The following DAB1 variants were observed in gnomAD, a reference collection of about 807,000 sequenced individuals.
DAB1 encodes the protein disabled homolog 1.
Under a neutral mutation model 64.6 loss-of-function variants are expected in DAB1, and 15 were observed. The ratio of observed to expected loss-of-function variants is 0.23; its 90% CI spans 0.16 to 0.36. The LOEUF (loss-of-function observed/expected upper bound fraction) is 0.36. Among genes scored for constraint, DAB1 ranks in the 10% least tolerant of loss-of-function variants. DAB1 has a pLI of 1.00. For synonymous variants in DAB1, 235 were observed against 251.9 expected (o/e 0.93, Z 0.64); for missense variants, 596 against 706.7 (o/e 0.84, Z 1.78).
chr1:57,799,478 G>C (rs928992085), intron 6 of DAB1, among the ~76,000 whole-genome samples: 2 of 151,410 alleles, frequency 1.3e-5, no homozygotes, highest in South Asian at 2.1e-4. Flanking sequence ...AGGTTTGCCA[G>C]AGCCACGGTT....
In DAB1 at chr1:58,475,965, A is replaced by G. The variant is rs186746367; in HGVS notation, n.257+30095T>C. Reference sequence around the variant, plus strand: ...TAGAATAACAGAATCCTTAAGTAGAACATCCACCATTTCTAACCTATGAAA... The same window carrying G: ...TAGAATAACAGAATCCTTAAGTAGAGCATCCACCATTTCTAACCTATGAAA... On this transcript the variant is annotated intron_variant and non_coding_transcript_variant, in intron 3 of 20. Transcript: ENST00000485760. Among the ~76,000 whole-genome samples, 113 of 152,316 alleles carry G rather than the reference A, an allele frequency of 7.4e-4. 1 individual carries two copies. The East Asian group carries it at 0.02, about 27-fold the overall frequency.
chr1:57,489,499 T>C (rs1231249088), intron 7 of DAB1, among the ~76,000 whole-genome samples: 1 of 152,160 alleles, frequency 6.6e-6, no homozygotes, highest in Non-Finnish European at 1.5e-5. Flanking sequence ...TCCCTAACCC[T>C]CCAGGCTGAC....
At chr1:58,507,801 C>T (rs1029385532) in intron 2 of DAB1, among the ~76,000 whole-genome samples, 2 of 151,990 alleles carry the variant, frequency 1.3e-5, no homozygotes, top group African/African-American at 4.8e-5. Flanking sequence ...TAGGTAATCA[C>T]ATTCACAATA....
chr1:57,286,294 T>G (rs1672309844), intron 2 of DAB1, among the ~76,000 whole-genome samples: 1 of 152,198 alleles, frequency 6.6e-6, no homozygotes, highest in African/African-American at 2.4e-5. Flanking sequence ...TGACCCAAAT[T>G]GTCAGGTATT....
chr1:57,350,538 T>C (rs1185557698), intron 1 of DAB1, among the ~76,000 whole-genome samples: 1 of 152,080 alleles, frequency 6.6e-6, no homozygotes, highest in Admixed American at 6.6e-5. Context: ...ATGAGCTCCC[T>C]CTGTATTTAG....
intron 3 of DAB1, among the ~76,000 whole-genome samples, chr1:58,374,895 C>T (rs1336618110): frequency 1.4e-5 from 2 of 138,112 alleles, no homozygotes; most frequent in Admixed American, 7.2e-5. Flanking sequence ...AGGTCCTTCA[C>T]ATCCCTTGTA....
intron 1 of DAB1, among the ~76,000 whole-genome samples, chr1:57,380,997 A>G (rs1681326324): frequency 1.3e-5 from 2 of 152,148 alleles, no homozygotes; most frequent in African/African-American, 4.8e-5. Flanking sequence ...AAATATTGGT[A>G]AGACTTCCAG....
At chr1:57,448,658 T>G (rs1367171541) in intron 7 of DAB1, among the ~76,000 whole-genome samples, 1 of 152,132 alleles carries the variant, frequency 6.6e-6, no homozygotes, top group Non-Finnish European at 1.5e-5. Flanking sequence ...TTTCAAGAAG[T>G]GGAGTAGGTC....
At chr1:57,203,127 CA>C (rs981924316) in intron 2 of DAB1, among the ~76,000 whole-genome samples, 13 of 152,140 alleles carry the variant, frequency 8.5e-5, no homozygotes, top group African/African-American at 3.1e-4. Context: ...CAGAGGAACA[CA>C]AAAAACAGCA....
rs186062489 is a variant in DAB1, at chr1:58,048,213, T to C, written n.387+102298A>G. 475 of 1,260,422 alleles carry C rather than the reference T, an allele frequency of 3.8e-4. 3 individuals are homozygous for C. In the Middle Eastern group the frequency reaches 6.3e-3, roughly 17 times the overall value. 78.1% of individuals were successfully genotyped at this position (1,260,422 alleles called of 1,614,324 possible). The stretch of plus-strand genomic sequence containing the variant: ...CCACTGCCACAGCTACTGCTGCTAC[T>C]GGAACCGCCATAGCCACCTTGGTTT... On this transcript the variant is annotated intron_variant and non_coding_transcript_variant, in intron 5 of 20. Coordinates refer to the DAB1 transcript ENST00000485760.
chr1:57,882,113 G>A (rs1644153306), intron 1 of DAB1, among the ~76,000 whole-genome samples: 1 of 152,148 alleles, frequency 6.6e-6, no homozygotes, highest in South Asian at 2.1e-4. Flanking sequence ...AATAGACAAA[G>A]AATAGGAAGA....
intron 1 of DAB1, among the ~76,000 whole-genome samples, chr1:57,332,594 C>A (rs1676762373): frequency 1.3e-5 from 2 of 152,192 alleles, no homozygotes; most frequent in Admixed American, 1.3e-4. Flanking sequence ...AATCAGTCTT[C>A]CAATGACTCC....
chr1:57,095,823 G>A (rs1337724699), intron 4 of DAB1, among the ~76,000 whole-genome samples: 1 of 152,146 alleles, frequency 6.6e-6, no homozygotes, highest in Non-Finnish European at 1.5e-5. Context: ...TGAGAATTTA[G>A]GACTTGATGT....
chr1:58,134,501 C>T (rs2100702260), intron 5 of DAB1, among the ~76,000 whole-genome samples: 1 of 151,600 alleles, frequency 6.6e-6, no homozygotes. Context: ...AAAACTGAGA[C>T]TGGGTAATTT....
chr1:58,237,173 T>C (rs1347492308), intron 4 of DAB1, among the ~76,000 whole-genome samples: 2 of 152,160 alleles, frequency 1.3e-5, no homozygotes, highest in Non-Finnish European at 2.9e-5. Context: ...AGGGAATCAG[T>C]AGAGTTCCTT....
intron 4 of DAB1, among the ~76,000 whole-genome samples, chr1:57,113,471 A>C (rs909212059): frequency 6.6e-6 from 1 of 152,138 alleles, no homozygotes; most frequent in Non-Finnish European, 1.5e-5. Context: ...CCAGACAATA[A>C]ATTTCTTCTG....
At chr1:57,922,063 C>A (rs1353420444) in intron 5 of DAB1, among the ~76,000 whole-genome samples, 1 of 152,226 alleles carries the variant, frequency 6.6e-6, no homozygotes, top group Non-Finnish European at 1.5e-5. Flanking sequence ...TTCCTCCTCA[C>A]CTTTACAAAA....
At chr1:58,329,734 T>C (rs972973570) in intron 4 of DAB1, among the ~76,000 whole-genome samples, 3 of 152,238 alleles carry the variant, frequency 2.0e-5, no homozygotes, top group Non-Finnish European at 2.9e-5. Flanking sequence ...TTATGTGTTA[T>C]GGTGATTTGT....
At chr1:57,187,013 C>A (rs1198538466) in intron 2 of DAB1, among the ~76,000 whole-genome samples, 1 of 152,040 alleles carries the variant, frequency 6.6e-6, no homozygotes, top group Non-Finnish European at 1.5e-5. Flanking sequence ...ATTGTCCCCC[C>A]AAAAAGATGG....
Sources: gnomAD v4.1 joint callset for allele counts (sites outside exome capture counted in the v4.1 genomes callset) on GRCh38, gnomAD v4.1.1 for gene constraint, MANE v1.5 for transcripts, NCBI Gene and HGNC (gene_info 2026-07-23, HGNC 2026-07-21) for gene names.